The following ENTREP1 variants were observed in gnomAD, a reference collection of about 807,000 sequenced individuals.
ENTREP1 encodes the protein endosomal transmembrane epsin interactor 1.
chr9:69,345,071 A>G, the ENTREP1 span, among the ~76,000 whole-genome samples: 2 of 152,324 alleles, frequency 1.3e-5, no homozygotes, highest in African/African-American at 4.8e-5. Flanking sequence ...ACATTTGGAC[A>G]CTTATGGTAA....
chr9:69,372,424 T>C, the ENTREP1 span, among the ~76,000 whole-genome samples: 1 of 152,338 alleles, frequency 6.6e-6, no homozygotes, highest in East Asian at 1.9e-4. Context: ...CTCATACAAG[T>C]AGGATAATAT....
At chr9:69,367,776 A>AAAAT in the ENTREP1 span, among the ~76,000 whole-genome samples, 3 of 83,356 alleles carry the variant, frequency 3.6e-5, no homozygotes, top group Non-Finnish European at 4.8e-5. Context: ...CATATATATA[A>AAAAT]ATATATATAC....
At chr9:69,333,230 A>T in the ENTREP1 span, among the ~76,000 whole-genome samples, 19 of 152,062 alleles carry the variant, frequency 1.2e-4, no homozygotes, top group African/African-American at 4.6e-4. Context: ...GTGGCTGTGT[A>T]GGTGAGGGGG....
the ENTREP1 span, chr9:69,391,477 C>CTTT: frequency 1.4e-5 from 10 of 691,976 alleles, no homozygotes; most frequent in Non-Finnish European, 2.1e-5. Context: ...GGGAAAATGC[C>CTTT]TTTTTTTTTT....
the ENTREP1 span, chr9:69,385,782 TTTTTTA>T: frequency 2.5e-4 from 332 of 1,348,888 alleles, 1 homozygote; most frequent in East Asian, 1.3e-3. Context: ...TTTTTTTTTT[TTTTTTA>T]AATCAGATGG....
chr9:69,367,112 T>C, the ENTREP1 span, among the ~76,000 whole-genome samples: 1 of 79,806 alleles, frequency 1.3e-5, no homozygotes, highest in Non-Finnish European at 2.7e-5. Flanking sequence ...TTTTTTTTTT[T>C]TGTAGAGACA....
At chr9:69,354,274 T>TTTG in the ENTREP1 span, among the ~76,000 whole-genome samples, 3 of 141,560 alleles carry the variant, frequency 2.1e-5, no homozygotes, top group Non-Finnish European at 4.6e-5. Flanking sequence ...TTTTTTTTTT[T>TTTG]GAGACAGAGT....
At chr9:69,326,880 T>C in the ENTREP1 span, among the ~76,000 whole-genome samples, 2 of 152,074 alleles carry the variant, frequency 1.3e-5, no homozygotes, top group Non-Finnish European at 2.9e-5. Context: ...AACCTTTCTA[T>C]GAACTCACTG....
the ENTREP1 span, among the ~76,000 whole-genome samples, chr9:69,358,293 A>G: frequency 6.6e-6 from 1 of 152,236 alleles, no homozygotes; most frequent in African/African-American, 2.4e-5. Flanking sequence ...GTGATAGTCA[A>G]GCAGGTGTTT....
At chr9:69,377,136 T>C in the ENTREP1 span, among the ~76,000 whole-genome samples, 1 of 152,164 alleles carries the variant, frequency 6.6e-6, no homozygotes, top group East Asian at 1.9e-4. Flanking sequence ...AGAAAGCTTC[T>C]AAGATAAGTT....
chr9:69,349,399 G>T, the ENTREP1 span, among the ~76,000 whole-genome samples: 368 of 152,228 alleles, frequency 2.4e-3, 2 homozygotes, highest in Middle Eastern at 0.01. Context: ...TCCACCAGCA[G>T]TGTTTGAAGG....
chr9:69,333,321 T>A, the ENTREP1 span, among the ~76,000 whole-genome samples: 394 of 152,066 alleles, frequency 2.6e-3, no homozygotes, highest in African/African-American at 7.8e-3. Flanking sequence ...TATTATTATT[T>A]TTTTTTTGAG....
chr9:69,327,832 T>C, the ENTREP1 span, among the ~76,000 whole-genome samples: 2 of 152,208 alleles, frequency 1.3e-5, no homozygotes, highest in African/African-American at 4.8e-5. Context: ...ACTCTATAAC[T>C]GTTGGCTATT....
the ENTREP1 span, chr9:69,391,832 G>A: frequency 6.4e-7 from 1 of 1,552,604 alleles, no homozygotes; most frequent in Non-Finnish European, 8.7e-7. Flanking sequence ...GCCACTCCAA[G>A]GGGAAGGATC....
the ENTREP1 span, chr9:69,371,347 T>G: frequency 1.4e-6 from 1 of 738,310 alleles, no homozygotes; most frequent in Non-Finnish European, 2.5e-6. Flanking sequence ...GTCTAAAATG[T>G]GAAAAAAAGT....
chr9:69,352,894 G>A, the ENTREP1 span, among the ~76,000 whole-genome samples: 1 of 152,290 alleles, frequency 6.6e-6, no homozygotes, highest in African/African-American at 2.4e-5. Flanking sequence ...CTAGTACTTT[G>A]TAAGGCCAAG....
At chr9:69,364,219 T>A in the ENTREP1 span, among the ~76,000 whole-genome samples, 1 of 152,180 alleles carries the variant, frequency 6.6e-6, no homozygotes, top group Non-Finnish European at 1.5e-5. Context: ...ACTCTCTTAA[T>A]AATTTTGTGA....
chr9:69,378,737 T>G, the ENTREP1 span, among the ~76,000 whole-genome samples: 1 of 146,954 alleles, frequency 6.8e-6, no homozygotes, highest in Non-Finnish European at 1.5e-5. Flanking sequence ...CCAGCCTGGG[T>G]GAGAGCGAGA....
the ENTREP1 span, chr9:69,324,614 T>C: frequency 1.0e-6 from 1 of 985,108 alleles, no homozygotes; most frequent in African/African-American, 1.7e-5. Context: ...GGGAAAGCAC[T>C]CCCGCGCCGA....
Sources: allele counts gnomAD v4.1 joint callset (sites outside exome capture counted in the v4.1 genomes callset), GRCh38; gene constraint gnomAD v4.1.1; transcripts MANE v1.5; gene names NCBI Gene and HGNC (gene_info 2026-07-23, HGNC 2026-07-21).